NRG1: variants seen among roughly 807,000 people sequenced by gnomAD.
NRG1 encodes the protein neuregulin 1.
In NRG1, 18 loss-of-function variants were observed where a neutral mutation model predicts 63.8. That is an observed-to-expected ratio of 0.28 (90% CI 0.19 to 0.42). The LOEUF (loss-of-function observed/expected upper bound fraction) is 0.42, where lower values mean the gene tolerates loss of function less well. Among genes scored for constraint, NRG1 ranks in the 10% least tolerant of loss-of-function variants. The pLI is 1.00. For synonymous variants in NRG1, 302 were observed against 301.3 expected, an observed-to-expected ratio of 1.00 and a Z score of -0.02; for missense variants, 762 against 814.7, an observed-to-expected ratio of 0.94 and a Z score of 0.79.
At chr8:32,305,852 A>G (rs1856134038) in intron 1 of NRG1, among the ~76,000 whole-genome samples, 1 of 152,212 alleles carries the variant, frequency 6.6e-6, no homozygotes, top group Non-Finnish European at 1.5e-5. Flanking sequence ...CCAGTGTGTA[A>G]TGGATAAAGA....
At chr8:32,551,840 T>C (rs1834182457) in intron 1 of NRG1, among the ~76,000 whole-genome samples, 1 of 151,652 alleles carries the variant, frequency 6.6e-6, no homozygotes, top group South Asian at 2.1e-4. Context: ...GGACCTCCCA[T>C]ATCCAGCCTC....
At chr8:31,917,646 T>C (rs1487192929) in intron 1 of NRG1, among the ~76,000 whole-genome samples, 4 of 152,204 alleles carry the variant, frequency 2.6e-5, no homozygotes, top group African/African-American at 9.7e-5. Context: ...ACGTGATGCC[T>C]CCAGCTTTGT....
chr8:32,725,463 AAT>A lies in NRG1; in HGVS notation c.503-2485_503-2484del, dbSNP rs1491496959. Among the ~76,000 whole-genome samples the A allele has an allele frequency of 1.7e-3, 174 of 102,614 alleles. 1 individual carries two copies. Among genetic ancestry groups the A allele is most frequent in the Non-Finnish European group, 2.6e-3 (141 of 53,478 alleles). The allele number at this position is 102,614 out of a possible 152,430, so 67.3% of individuals were successfully genotyped here. A position where few individuals can be genotyped will look rare whatever the true frequency, so the allele number is the denominator to read the frequency against. ...CTTTAACATTCGAGGCAAACTTCCT[AAT>A]TTTTTTTTTTTTTTTTTTTTTTTTT... On this transcript the variant is annotated intron_variant, in intron 5 of 11. Coordinates refer to ENST00000356819, the Ensembl canonical transcript of NRG1.
chr8:32,129,301 G>A (rs567944595), intron 1 of NRG1, among the ~76,000 whole-genome samples: 1 of 152,026 alleles, frequency 6.6e-6, no homozygotes, highest in East Asian at 1.9e-4. Context: ...TAGAGGGTGG[G>A]GGTCTGAAAT....
chr8:32,668,955 C>T (rs191776359), intron 5 of NRG1, among the ~76,000 whole-genome samples: 209 of 152,186 alleles, frequency 1.4e-3, no homozygotes, highest in Non-Finnish European at 1.2e-3. Flanking sequence ...CTTGATGTTC[C>T]TTGATAGAGA....
At chr8:31,734,265 G>A (rs1394799467) in intron 1 of NRG1, among the ~76,000 whole-genome samples, 1 of 152,178 alleles carries the variant, frequency 6.6e-6, no homozygotes, top group Non-Finnish European at 1.5e-5. Flanking sequence ...GTTCAAGGCT[G>A]TAGTGGACCA....
At chr8:32,559,217 T>C (rs1440448172) in intron 1 of NRG1, among the ~76,000 whole-genome samples, 1 of 130,916 alleles carries the variant, frequency 7.6e-6, no homozygotes, top group Admixed American at 9.2e-5. Flanking sequence ...GTTTTGCTAG[T>C]ATTAGTATGT....
At position 32,344,418 on chromosome 8, in the gene NRG1, C is replaced by CGTGTGT. The variant is rs1804566322; in HGVS notation, c.38-251410_38-251409insGTGTGT. ...TTTTTTGTGCATGCATGCGTGCATG[C>CGTGTGT]ATGTGTGTGTGTGTGTGTGTGTGTG... On this transcript the variant is annotated intron_variant, in intron 1 of 10. Coordinates refer to the NRG1 transcript ENST00000519301. Among the ~76,000 whole-genome samples, 3 of 92,446 alleles carry CGTGTGT rather than the reference C, an allele frequency of 3.2e-5. 1 individual carries two copies. Among genetic ancestry groups the CGTGTGT allele is most frequent in the African/African-American group, 1.5e-4 (3 of 20,340 alleles). 60.6% of individuals were successfully genotyped at this position (92,446 alleles called of 152,430 possible). A position where few individuals can be genotyped will look rare whatever the true frequency, so the allele number is the denominator to read the frequency against.
At chr8:32,744,020 C>G (rs1682849928) in intron 7 of NRG1, among the ~76,000 whole-genome samples, 1 of 152,044 alleles carries the variant, frequency 6.6e-6, no homozygotes, top group Non-Finnish European at 1.5e-5. Context: ...TTGTCAACCA[C>G]TGATTTAGAT....
intron 1 of NRG1, among the ~76,000 whole-genome samples, chr8:32,036,361 G>T (rs766866438): frequency 6.6e-6 from 1 of 151,938 alleles, no homozygotes; most frequent in African/African-American, 2.4e-5. Flanking sequence ...TACCTTTGAC[G>T]TATTTTTCTT....
chr8:32,010,039 T>C (rs1248403105), intron 1 of NRG1, among the ~76,000 whole-genome samples: 1 of 152,026 alleles, frequency 6.6e-6, no homozygotes, highest in Non-Finnish European at 1.5e-5. Flanking sequence ...CACCTGCTGC[T>C]TGCAGGCTGA....
At chr8:32,568,255 G>T (rs111321703) in intron 1 of NRG1, among the ~76,000 whole-genome samples, 7 of 152,262 alleles carry the variant, frequency 4.6e-5, no homozygotes, top group African/African-American at 1.7e-4. Context: ...TTTCAATATT[G>T]AAGTTTCCTC....
At chr8:32,583,844 T>C (rs1454048485) in intron 1 of NRG1, among the ~76,000 whole-genome samples, 5 of 152,172 alleles carry the variant, frequency 3.3e-5, no homozygotes, top group African/African-American at 7.2e-5. Context: ...AGGTCTCCAG[T>C]GTAGCTAATA....
chr8:31,840,094 G>C (rs532694250), intron 1 of NRG1, among the ~76,000 whole-genome samples: 1 of 152,164 alleles, frequency 6.6e-6, no homozygotes, highest in Non-Finnish European at 1.5e-5. Context: ...TGGGGAAAAG[G>C]ACAAATGACT....
At position 32,449,324 on chromosome 8, in the gene NRG1, CAAAT is replaced by C. The variant is rs917871483; in HGVS notation, c.38-146496_38-146493del. 2.4e-3 allele frequency among the ~76,000 whole-genome samples: 357 copies of C among 150,826 alleles called. 1 individual carries two copies. Among genetic ancestry groups the C allele is most frequent in the African/African-American group, 8.5e-3 (348 of 41,150 alleles). On this transcript the variant is annotated intron_variant, in intron 1 of 10. Transcript: ENST00000519301. The stretch of plus-strand genomic sequence containing the variant: ...ATAATAATAATAATATATAAATAAA[CAAAT>C]AAATAAAATTATCCTAAGTGAAATC...
chr8:32,069,220 T>C (rs1825368485), intron 1 of NRG1, among the ~76,000 whole-genome samples: 1 of 152,036 alleles, frequency 6.6e-6, no homozygotes, highest in South Asian at 2.1e-4. Flanking sequence ...TGACAAATAA[T>C]CCCCTACAGC....
At chr8:32,563,976 C>G (rs1001746419) in intron 1 of NRG1, among the ~76,000 whole-genome samples, 3 of 152,092 alleles carry the variant, frequency 2.0e-5, no homozygotes, top group Admixed American at 6.6e-5. Flanking sequence ...CTATTCTCCT[C>G]TCGATAAAAT....
At chr8:32,220,705 C>T (rs1586177882) in intron 1 of NRG1, among the ~76,000 whole-genome samples, 1 of 152,336 alleles carries the variant, frequency 6.6e-6, no homozygotes, top group East Asian at 1.9e-4. Flanking sequence ...GGCAGGCCAT[C>T]TGCTGCAGTG....
chr8:32,718,594 G>T (rs139605835), intron 5 of NRG1, among the ~76,000 whole-genome samples: 11 of 152,158 alleles, frequency 7.2e-5, no homozygotes, highest in African/African-American at 2.6e-4. Flanking sequence ...CTCTGGTATG[G>T]TTGCATTATT....
Sources: allele counts gnomAD v4.1 joint callset (sites outside exome capture counted in the v4.1 genomes callset), GRCh38; gene constraint gnomAD v4.1.1; transcripts MANE v1.5; gene names NCBI Gene and HGNC (gene_info 2026-07-23, HGNC 2026-07-21).